The following PTPRD variants were observed in gnomAD, a reference collection of about 807,000 sequenced individuals.
PTPRD encodes the protein protein tyrosine phosphatase receptor type D, also known as receptor-type tyrosine-protein phosphatase delta.
Under a neutral mutation model 214.5 loss-of-function variants are expected in PTPRD, and 34 were observed. That is an observed-to-expected ratio of 0.16 (90% CI 0.12 to 0.21). PTPRD has a LOEUF of 0.21. Ranked by LOEUF, PTPRD falls within the 10% of genes least tolerant of loss-of-function variation. PTPRD has a pLI of 1.00. For missense variants in PTPRD, 2,545 were observed against 2,398.7 expected (o/e 1.06, Z -1.27); for synonymous variants, 1,128 against 845.7 (o/e 1.33, Z -5.79).
chr9:8,858,095 CTCCT>C, intron 11 of PTPRD: 1 of 159,598 alleles, frequency 6.3e-6, no homozygotes, highest in Non-Finnish European at 1.4e-5. Flanking sequence ...TCTCCTCCCC[CTCCT>C]CCTCCTCCTC....
At chr9:9,103,130 T>G (rs930918493) in intron 10 of PTPRD, among the ~76,000 whole-genome samples, 3 of 152,196 alleles carry the variant, frequency 2.0e-5, no homozygotes, top group Admixed American at 2.0e-4. Flanking sequence ...GTCTTAACAG[T>G]GCTGGTATTC....
intron 12 of PTPRD, among the ~76,000 whole-genome samples, chr9:8,673,210 G>A (rs2097325012): frequency 6.6e-6 from 1 of 151,746 alleles, no homozygotes; most frequent in Admixed American, 6.6e-5. Flanking sequence ...CCATTTAAAG[G>A]AAAACACACA....
chr9:8,928,115 T>C (rs1477175382), intron 11 of PTPRD, among the ~76,000 whole-genome samples: 2 of 152,188 alleles, frequency 1.3e-5, no homozygotes, highest in African/African-American at 2.4e-5. Flanking sequence ...CTTTGTCAGA[T>C]GGATAGATTG....
rs56191898 is a variant in PTPRD, at chr9:8,722,498, GTT to G, written c.64+11280_64+11281del. Among the ~76,000 whole-genome samples, 24 of 150,370 alleles carry G rather than the reference GTT, an allele frequency of 1.6e-4. No individual in the cohort carries two copies. In the East Asian group the frequency reaches 2.4e-3, roughly 15 times the overall value. ...TGTTAAATCATATAAACAATAAAGGGTTTTTTTTTTTCTTAAATGGAAGAAGT... is the reference window on the plus strand; with the variant it reads ...TGTTAAATCATATAAACAATAAAGGGTTTTTTTTTCTTAAATGGAAGAAGT... On this transcript the variant is annotated intron_variant, in intron 12 of 45. Transcript: ENST00000381196.
intron 2 of PTPRD, among the ~76,000 whole-genome samples, chr9:10,475,959 A>G (rs555501806): frequency 6.6e-6 from 1 of 152,124 alleles, no homozygotes. Context: ...CTCTCAATAA[A>G]CTAGATATTG....
At chr9:8,851,175 G>T in intron 11 of PTPRD, among the ~76,000 whole-genome samples, 1 of 148,558 alleles carries the variant, frequency 6.7e-6, no homozygotes, top group Non-Finnish European at 1.5e-5. Context: ...AGTCTAAGCA[G>T]CTTTCTAAGA....
At chr9:8,990,421 T>A (rs2099361863) in intron 11 of PTPRD, among the ~76,000 whole-genome samples, 1 of 152,152 alleles carries the variant, frequency 6.6e-6, no homozygotes, top group South Asian at 2.1e-4. Flanking sequence ...ACTTATCAAC[T>A]GTGTAGGTAG....
chr9:9,508,463 T>C (rs1412402), intron 8 of PTPRD, among the ~76,000 whole-genome samples: 22 of 151,724 alleles, frequency 1.5e-4, no homozygotes, highest in Non-Finnish European at 1.6e-4. Flanking sequence ...AGAAAAACAA[T>C]ACAACCCAAC....
At chr9:10,041,684 CTT>C (rs2097299416) in intron 3 of PTPRD, among the ~76,000 whole-genome samples, 1 of 151,826 alleles carries the variant, frequency 6.6e-6, no homozygotes, top group African/African-American at 2.4e-5. Context: ...ATGTCACTAA[CTT>C]ATTTAATTTT....
At chr9:9,907,014 CTAAGT>C (rs2077752099) in intron 5 of PTPRD, among the ~76,000 whole-genome samples, 1 of 151,772 alleles carries the variant, frequency 6.6e-6, no homozygotes, top group South Asian at 2.1e-4. Context: ...GAAAAATTAC[CTAAGT>C]TTTCTTATTT....
intron 11 of PTPRD, among the ~76,000 whole-genome samples, chr9:9,010,825 C>G (rs2099508755): frequency 6.6e-6 from 1 of 152,094 alleles, no homozygotes; most frequent in Non-Finnish European, 1.5e-5. Flanking sequence ...TAAACATGCA[C>G]TGGATTGTCA....
At chr9:9,781,427 GA>G (rs957190546) in intron 5 of PTPRD, among the ~76,000 whole-genome samples, 1 of 151,980 alleles carries the variant, frequency 6.6e-6, no homozygotes, top group Non-Finnish European at 1.5e-5. Flanking sequence ...TATGTAATGG[GA>G]AAAAAAGAAA....
chr9:9,329,177 T>C (rs16929164), intron 9 of PTPRD, among the ~76,000 whole-genome samples: 2,614 of 152,174 alleles, frequency 0.017, 76 homozygotes, highest in African/African-American at 0.061. Flanking sequence ...CATCCCAGTT[T>C]GACATCACAG....
intron 8 of PTPRD, among the ~76,000 whole-genome samples, chr9:9,449,719 C>T (rs1404550254): frequency 6.6e-6 from 1 of 151,798 alleles, no homozygotes; most frequent in African/African-American, 2.4e-5. Flanking sequence ...TCAATTATAT[C>T]TTATAGCAGT....
At chr9:10,005,429 C>G (rs756204407) in intron 4 of PTPRD, among the ~76,000 whole-genome samples, 1 of 152,094 alleles carries the variant, frequency 6.6e-6, no homozygotes, top group Non-Finnish European at 1.5e-5. Context: ...GCAGCTCCCT[C>G]TCTCCTTGGC....
At chr9:8,910,729 T>C (rs2098741186) in intron 11 of PTPRD, among the ~76,000 whole-genome samples, 1 of 152,182 alleles carries the variant, frequency 6.6e-6, no homozygotes, top group Admixed American at 6.5e-5. Context: ...ACTAAGATAA[T>C]CTACTAGAAC....
At chr9:9,181,301 A>T (rs1053019357) in intron 10 of PTPRD, among the ~76,000 whole-genome samples, 75 of 152,040 alleles carry the variant, frequency 4.9e-4, no homozygotes, top group Admixed American at 1.6e-3. Context: ...CACTTTGAAA[A>T]TACAGTTAGA....
chr9:8,655,468 G>A (rs924215686), intron 12 of PTPRD, among the ~76,000 whole-genome samples: 1 of 152,078 alleles, frequency 6.6e-6, no homozygotes. Context: ...ATAATAAAAA[G>A]CATTTTCTGG....
In PTPRD at chr9:8,972,504, G is replaced by A. The variant is rs950078062; in HGVS notation, c.-104+46193C>T. On this transcript the variant is annotated intron_variant, in intron 11 of 45. Coordinates refer to ENST00000381196, the MANE Select transcript of PTPRD (RefSeq NM_002839.4). The stretch of plus-strand genomic sequence containing the variant: ...TTAGTGTAGAAGAAAAAGAAGAAAG[G>A]GAAGAGGAGAGGGAAGGAGGGAAGG... 3.3e-5 allele frequency among the ~76,000 whole-genome samples: 5 copies of A among 151,768 alleles called. No homozygotes were observed. The East Asian group carries it at 5.8e-4, about 18-fold the overall frequency.
Sources: gnomAD v4.1 joint callset for allele counts (sites outside exome capture counted in the v4.1 genomes callset) on GRCh38, gnomAD v4.1.1 for gene constraint, MANE v1.5 for transcripts, NCBI Gene and HGNC (gene_info 2026-07-23, HGNC 2026-07-21) for gene names.